SHANK2: variants seen among roughly 807,000 people sequenced by gnomAD.
The protein encoded by SHANK2 is SH3 and multiple ankyrin repeat domains protein 2.
Under a neutral mutation model 133.7 loss-of-function variants are expected in SHANK2, and 43 were observed. The ratio of observed to expected loss-of-function variants is 0.32; its 90% CI spans 0.25 to 0.41. The LOEUF is 0.41. Ranked by LOEUF, SHANK2 falls within the 10% of genes least tolerant of loss-of-function variation. The pLI is 1.00. For synonymous variants in SHANK2, 1,017 were observed against 952.8 expected (o/e 1.07, Z -1.24); for missense variants, 1,994 against 2,235.8 (o/e 0.89, Z 2.18).
intron 14 of SHANK2, among the ~76,000 whole-genome samples, chr11:70,759,059 C>T (rs1482696562): frequency 6.6e-6 from 1 of 151,652 alleles, no homozygotes; most frequent in Non-Finnish European, 1.5e-5. Flanking sequence ...CTCAGGAGGC[C>T]AAGACAGAGA....
rs192199737 is a variant in SHANK2 at position 70,484,616 on chromosome 11, G to A, written c.4979+698C>T. Among the ~76,000 whole-genome samples the A allele has an allele frequency of 3.2e-4, 49 of 152,292 alleles. No homozygotes were observed. In the South Asian group the frequency reaches 5.0e-3, roughly 15 times the overall value. On this transcript the variant is annotated intron_variant, in intron 25 of 25. Coordinates refer to ENST00000601538, the MANE Select transcript of SHANK2 (RefSeq NM_012309.5). ...GGCTCCTTCCAGACAGCCTCAGATA[G>A]AGCCCTCTGGTTGCGTCTAGAAATG...
At chr11:70,615,569 G>A (rs1442341537) in intron 17 of SHANK2, among the ~76,000 whole-genome samples, 12 of 152,148 alleles carry the variant, frequency 7.9e-5, no homozygotes, top group South Asian at 2.1e-4. Flanking sequence ...TCAAGACTCC[G>A]GTCAGCTTTC....
intron 10 of SHANK2, among the ~76,000 whole-genome samples, chr11:70,912,825 C>T (rs923992889): frequency 3.9e-5 from 6 of 152,064 alleles, no homozygotes; most frequent in African/African-American, 9.7e-5. Flanking sequence ...GGTGTTTACA[C>T]GGGGTTTTAT....
At chr11:70,530,996 T>C (rs1465545679) in intron 17 of SHANK2, among the ~76,000 whole-genome samples, 2 of 151,472 alleles carry the variant, frequency 1.3e-5, no homozygotes, top group South Asian at 2.1e-4. Flanking sequence ...TGAAACCCCA[T>C]CTCTACTAAA....
chr11:70,876,237 C>CACATAT (rs4025747), intron 11 of SHANK2, among the ~76,000 whole-genome samples: 127,424 of 147,406 alleles, frequency 0.86, 55,349 homozygotes, highest in East Asian at 0.99. Flanking sequence ...CACACACACA[C>CACATAT]ATATAGACAC....
At chr11:70,660,989 T>C (rs1555013095) in intron 16 of SHANK2, among the ~76,000 whole-genome samples, 1 of 152,208 alleles carries the variant, frequency 6.6e-6, no homozygotes, top group East Asian at 1.9e-4. Flanking sequence ...GACTGGCAGG[T>C]GCACCGCCAT....
chr11:70,591,819 C>G (rs1259246510), intron 17 of SHANK2, among the ~76,000 whole-genome samples: 2 of 152,032 alleles, frequency 1.3e-5, no homozygotes, highest in African/African-American at 4.8e-5. Flanking sequence ...GAGTTCGAGA[C>G]CAGCCTGGCC....
chr11:71,159,828 A>C (rs1952976211), intron 2 of SHANK2, among the ~76,000 whole-genome samples: 1 of 152,132 alleles, frequency 6.6e-6, no homozygotes, highest in Admixed American at 6.5e-5. Flanking sequence ...TACTGAAAAT[A>C]CAAAAAAATT....
At chr11:70,867,621 AATC>A (rs1949388259) in intron 11 of SHANK2, among the ~76,000 whole-genome samples, 1 of 152,184 alleles carries the variant, frequency 6.6e-6, no homozygotes, top group Non-Finnish European at 1.5e-5. Flanking sequence ...CCCTCTTGAG[AATC>A]GACGCTATAG....
intron 17 of SHANK2, among the ~76,000 whole-genome samples, chr11:70,624,605 G>GCC (rs138528335): frequency 6.6e-6 from 1 of 151,784 alleles, no homozygotes; most frequent in Non-Finnish European, 1.5e-5. Context: ...GGGTGATGGT[G>GCC]CCCCCCCAAA....
In SHANK2 at chr11:70,754,561, C is replaced by G. The variant is rs146913508; in HGVS notation, c.1777+43882G>C. Among the ~76,000 whole-genome samples the G allele has an allele frequency of 2.5e-3, 377 of 152,350 alleles. 1 individual carries two copies. The highest frequency in any genetic ancestry group is 8.9e-3 in the African/African-American group (370 of 41,576). ...CTTTGAGGAAATTCTACATAGGTGA[C>G]AGCCTCCCCCCGGTGAGCTCGAGCA... On this transcript the variant is annotated intron_variant, in intron 14 of 25. Coordinates refer to ENST00000601538, the MANE Select transcript of SHANK2 (RefSeq NM_012309.5).
intron 17 of SHANK2, among the ~76,000 whole-genome samples, chr11:70,632,694 T>C (rs1555002668): frequency 6.6e-6 from 1 of 152,112 alleles, no homozygotes; most frequent in African/African-American, 2.4e-5. Context: ...CCCTGAGCAC[T>C]CGGTGGATGC....
At chr11:71,105,340 C>A (rs528142075) in intron 6 of SHANK2, among the ~76,000 whole-genome samples, 1 of 152,178 alleles carries the variant, frequency 6.6e-6, no homozygotes, top group African/African-American at 2.4e-5. Context: ...CACCTGTAAT[C>A]CCAGCACTTT....
At chr11:70,702,311 A>G (rs1345661196) in intron 14 of SHANK2, among the ~76,000 whole-genome samples, 1 of 117,428 alleles carries the variant, frequency 8.5e-6, no homozygotes, top group East Asian at 2.7e-4. Flanking sequence ...CCATCATCAC[A>G]ATCACCATCA....
chr11:70,763,518 C>T (rs1163963820), intron 14 of SHANK2, among the ~76,000 whole-genome samples: 2 of 152,060 alleles, frequency 1.3e-5, no homozygotes, highest in Non-Finnish European at 2.9e-5. Context: ...CTGAGCTGCT[C>T]GGGACCAGGC....
Position 70,882,385 on chromosome 11 carries a change from T to C in SHANK2, c.1174+14116A>G, listed in dbSNP as rs1038922586. Among the ~76,000 whole-genome samples the C allele has an allele frequency of 2.5e-4, 38 of 152,214 alleles. No homozygotes were observed. Among genetic ancestry groups the C allele is most frequent in the African/African-American group, 8.4e-4 (35 of 41,454 alleles). On this transcript the variant is annotated intron_variant, in intron 11 of 25. Coordinates refer to ENST00000601538, the MANE Select transcript of SHANK2 (RefSeq NM_012309.5). This position sits in a 1 kb window ranked among gnomAD's most constrained non-coding sequence, Gnocchi z 4.2. ...AGCTAGGAGCTGGGAACCAGTTCTA[T>C]AGCCTACAAGCAAGGGATTTAATAC...
At position 70,487,077 on chromosome 11, in the gene SHANK2, C is replaced by G. The variant is rs781939977; in HGVS notation, c.3216G>C (p.Leu1072=). The change falls in exon 25 of 26, where the codon CTG becomes CTC. Residue 1072 remains leucine, a synonymous_variant. Coordinates refer to ENST00000601538, the MANE Select transcript of SHANK2 (RefSeq NM_012309.5). The surrounding 1 kb of genome is among the most constrained non-coding windows in gnomAD (Gnocchi z 5.8). ...CGGCGGCAAAGGGGCTGCTGACGGTCAGGCTTTCGTCAGGCCGCAGCTGGC... is the reference window on the plus strand; with the variant it reads ...CGGCGGCAAAGGGGCTGCTGACGGTGAGGCTTTCGTCAGGCCGCAGCTGGC... ...PPSQLRPDES[L]TVSSPFAAAI... is the part of the protein sequence containing the mutation. The G allele has an allele frequency of 2.5e-6, 4 of 1,609,798 alleles. No homozygotes were observed. The highest frequency in any genetic ancestry group is 3.4e-6 in the Non-Finnish European group (4 of 1,179,866).
chr11:70,744,874 T>C (rs1489347152), intron 14 of SHANK2, among the ~76,000 whole-genome samples: 2 of 152,188 alleles, frequency 1.3e-5, no homozygotes, highest in Non-Finnish European at 2.9e-5. Flanking sequence ...CGATAAGCAC[T>C]GTCTTGCTCC....
intron 7 of SHANK2, among the ~76,000 whole-genome samples, chr11:71,094,260 G>A (rs200380167): frequency 1.3e-5 from 2 of 152,098 alleles, no homozygotes; most frequent in South Asian, 2.1e-4. Context: ...CTGGCCTTAC[G>A]GGTTGAAAAG....
Sources: gnomAD v4.1 joint callset for allele counts (sites outside exome capture counted in the v4.1 genomes callset) on GRCh38, gnomAD v4.1.1 for gene constraint, Gnocchi (gnomAD v3.1) non-coding constraint, MANE v1.5 for transcripts, NCBI Gene and HGNC (gene_info 2026-07-23, HGNC 2026-07-21) for gene names.